The following MGAT4D variants were observed in gnomAD, a reference collection of about 807,000 sequenced individuals.
MGAT4D encodes the protein MGAT4 family member D.
In MGAT4D, 34 loss-of-function variants were observed where a neutral mutation model predicts 15.9. The observed-to-expected ratio is 2.14, with a 90% CI of 1.62 to 2.84. The LOEUF (loss-of-function observed/expected upper bound fraction) is 2.84, where lower values mean the gene tolerates loss of function less well. MGAT4D is among the 30% of genes most tolerant of loss of function. The pLI is 0.00. For missense variants in MGAT4D, 327 were observed against 140.2 expected, an observed-to-expected ratio of 2.33 and a Z score of -6.73; for synonymous variants, 112 against 48.2, an observed-to-expected ratio of 2.33 and a Z score of -5.49.
intron 1 of MGAT4D, among the ~76,000 whole-genome samples, chr4:140,492,779 A>G (rs1478178782): frequency 6.6e-6 from 1 of 152,188 alleles, no homozygotes; most frequent in Non-Finnish European, 1.5e-5. Context: ...AGGAGATTAA[A>G]GTTTTAAAAA....
rs956697637 is a variant in MGAT4D, at chr4:140,498,112, G to A, written c.94+17C>T. ...CCCGCGGCGGGAAAGGAGGCGGGAG[G>A]AGGGCCCGCCGCTTACTGGTTTGAG... is the stretch of plus-strand genomic sequence containing the variant. On this transcript the variant is annotated intron_variant, in intron 1 of 10. Transcript: ENST00000511113. The A allele has an allele frequency of 4.3e-6, 3 of 696,284 alleles. No homozygotes were observed. The highest frequency in any genetic ancestry group is 2.3e-4 in the Middle Eastern group (1 of 4,350). 43.1% of individuals were successfully genotyped at this position (696,284 alleles called of 1,614,324 possible). A position where few individuals can be genotyped will look rare whatever the true frequency, so the allele number is the denominator to read the frequency against.
chr4:140,496,566 G>A (rs1455945537), intron 1 of MGAT4D, among the ~76,000 whole-genome samples: 1 of 152,118 alleles, frequency 6.6e-6, no homozygotes, highest in Admixed American at 6.5e-5. Context: ...TACTAGGCTG[G>A]GTGTGGTGGC....
At chr4:140,473,512 T>C (rs956605759) in intron 4 of MGAT4D, among the ~76,000 whole-genome samples, 1 of 152,164 alleles carries the variant, frequency 6.6e-6, no homozygotes, top group Non-Finnish European at 1.5e-5. Context: ...CCTTATGGCA[T>C]AGGCAATATG....
At chr4:140,475,482 G>A (rs1022637444) in intron 3 of MGAT4D, among the ~76,000 whole-genome samples, 12 of 151,994 alleles carry the variant, frequency 7.9e-5, no homozygotes, top group African/African-American at 2.7e-4. Flanking sequence ...CTGTACAGGT[G>A]CAGCTAAGAT....
chr4:140,493,162 C>T (rs1019805230), intron 1 of MGAT4D, among the ~76,000 whole-genome samples: 3 of 152,048 alleles, frequency 2.0e-5, no homozygotes, highest in African/African-American at 7.2e-5. Flanking sequence ...ATTAATAGCT[C>T]ATCACTCAAG....
chr4:140,494,227 T>C (rs1243856376), intron 1 of MGAT4D, among the ~76,000 whole-genome samples: 1 of 152,156 alleles, frequency 6.6e-6, no homozygotes, highest in African/African-American at 2.4e-5. Flanking sequence ...CCGGATGAAG[T>C]ACTACTCAAA....
chr4:140,469,331 T>C (rs949425931), intron 5 of MGAT4D, among the ~76,000 whole-genome samples: 6 of 152,220 alleles, frequency 3.9e-5, no homozygotes, highest in Non-Finnish European at 8.8e-5. Flanking sequence ...ATTTCGCCCT[T>C]ACATTCTTCA....
chr4:140,493,675 C>A (rs140285755), intron 1 of MGAT4D, among the ~76,000 whole-genome samples: 28 of 152,120 alleles, frequency 1.8e-4, no homozygotes, highest in Middle Eastern at 3.4e-3. Flanking sequence ...TTCTTTGTTC[C>A]AAGAGTTTCT....
At chr4:140,462,437 G>A (rs1474939982) in intron 6 of MGAT4D, 2 of 154,270 alleles carry the variant, frequency 1.3e-5, no homozygotes, top group African/African-American at 4.8e-5. Flanking sequence ...ATCTGCTACA[G>A]AGTATTAATA....
intron 9 of MGAT4D, among the ~76,000 whole-genome samples, chr4:140,452,410 G>T (rs1310542205): frequency 6.6e-6 from 1 of 152,086 alleles, no homozygotes; most frequent in Non-Finnish European, 1.5e-5. Context: ...TAATGGTCTA[G>T]AGTTAATTTA....
rs1357760507 is a variant in MGAT4D at position 140,498,218 on chromosome 4, C to T, written c.5G>A (p.Arg2Lys). Reference sequence around the variant, plus strand: ...GATCAGCAAGTTCACCTGCTTGGTCCTCATGGCCCTGGCCAGGCTGCGGGA... The same window carrying T: ...GATCAGCAAGTTCACCTGCTTGGTCTTCATGGCCCTGGCCAGGCTGCGGGA... MRTKQVNLLITL... is the reference protein window; with the variant it reads MKTKQVNLLITL... The change falls in exon 1 of 11, where the codon AGG becomes AAG. Residue 2 changes from arginine to lysine, a missense_variant. Physicochemically the swap from Arg to Lys is conservative, Grantham distance 26. Coordinates refer to ENST00000511113, the MANE Select transcript of MGAT4D (RefSeq NM_001277353.2). 8 of 702,084 alleles carry T rather than the reference C, an allele frequency of 1.1e-5. No homozygotes were observed. The highest frequency in any genetic ancestry group is 1.8e-5 in the Non-Finnish European group (7 of 384,514). 43.5% of individuals were successfully genotyped at this position (702,084 alleles called of 1,614,324 possible). A position where few individuals can be genotyped will look rare whatever the true frequency, so the allele number is the denominator to read the frequency against.
At chr4:140,490,509 G>A (rs1211133818) in intron 1 of MGAT4D, among the ~76,000 whole-genome samples, 3 of 152,126 alleles carry the variant, frequency 2.0e-5, no homozygotes, top group Admixed American at 6.6e-5. Flanking sequence ...ACCATCAATG[G>A]CCAGACTGGA....
Position 140,471,823 on chromosome 4 carries a change from TA to T in MGAT4D, c.526-3del. The T allele has an allele frequency of 2.1e-6, 1 of 476,624 alleles. No homozygotes were observed. Among genetic ancestry groups the T allele is most frequent in the Non-Finnish European group, 3.8e-6 (1 of 262,328 alleles). 29.5% of individuals were successfully genotyped at this position (476,624 alleles called of 1,614,324 possible). On this transcript the variant is annotated splice_polypyrimidine_tract_variant and splice_region_variant and intron_variant, in intron 4 of 10. Coordinates refer to ENST00000511113, the MANE Select transcript of MGAT4D (RefSeq NM_001277353.2). ...AGAATGTAAATAATCTTCATTACTC[TA>T]AAAATGAGAAAAATATTTTACTGAA...
chr4:140,492,778 A>C (rs1004676449), intron 1 of MGAT4D, among the ~76,000 whole-genome samples: 2 of 152,192 alleles, frequency 1.3e-5, no homozygotes, highest in Non-Finnish European at 2.9e-5. Context: ...TAGGAGATTA[A>C]AGTTTTAAAA....
At chr4:140,469,455 C>T (rs1472976680) in intron 5 of MGAT4D, among the ~76,000 whole-genome samples, 1 of 152,158 alleles carries the variant, frequency 6.6e-6, no homozygotes, top group Non-Finnish European at 1.5e-5. Flanking sequence ...TTTCAAATGT[C>T]CCCAGTCGTC....
At chr4:140,465,085 T>G (rs1437691839) in intron 5 of MGAT4D, 76 bp from the exon 6 acceptor site, 1 of 619,960 alleles carries the variant, frequency 1.6e-6, no homozygotes, top group Non-Finnish European at 2.9e-6. Flanking sequence ...TAAAAATAAT[T>G]TTCTTATGCA....
intron 3 of MGAT4D, among the ~76,000 whole-genome samples, chr4:140,477,740 T>C (rs893088057): frequency 1.2e-4 from 19 of 152,324 alleles, no homozygotes; most frequent in African/African-American, 4.3e-4. Flanking sequence ...GCACTGAGGG[T>C]CTACTGAAGG....
intron 9 of MGAT4D, among the ~76,000 whole-genome samples, chr4:140,452,293 G>GTA (rs942017781): frequency 2.0e-5 from 3 of 151,990 alleles, no homozygotes; most frequent in Non-Finnish European, 2.9e-5. Context: ...AATCTAAAAT[G>GTA]TATATATATA....
chr4:140,461,462 C>T (rs1316618550), intron 7 of MGAT4D, among the ~76,000 whole-genome samples: 2 of 152,030 alleles, frequency 1.3e-5, no homozygotes, highest in Non-Finnish European at 2.9e-5. Flanking sequence ...AAGTTATTTA[C>T]TTTTACAAAT....
Sources: gnomAD v4.1 joint callset for allele counts (sites outside exome capture counted in the v4.1 genomes callset) on GRCh38, gnomAD v4.1.1 for gene constraint, MANE v1.5 for transcripts, NCBI Gene and HGNC (gene_info 2026-07-23, HGNC 2026-07-21) for gene names.